The following ERBB4 variants were observed in gnomAD, a reference collection of about 807,000 sequenced individuals.
ERBB4 encodes the protein erb-b2 receptor tyrosine kinase 4, also known as receptor tyrosine-protein kinase erbB-4.
In ERBB4, 42 loss-of-function variants were observed where a neutral mutation model predicts 158.0. That is an observed-to-expected ratio of 0.27 (90% CI 0.21 to 0.34). ERBB4 has a LOEUF of 0.34. Among genes scored for constraint, ERBB4 ranks in the 10% least tolerant of loss-of-function variants. ERBB4 has a pLI of 1.00. For missense variants in ERBB4, 1,333 were observed against 1,624.1 expected (o/e 0.82, Z 3.08); for synonymous variants, 583 against 558.7 (o/e 1.04, Z -0.61).
chr2:211,491,966 G>C (rs1223061947), intron 20 of ERBB4, among the ~76,000 whole-genome samples: 1 of 151,812 alleles, frequency 6.6e-6, no homozygotes, highest in African/African-American at 2.4e-5. Flanking sequence ...TTGGTACATA[G>C]GATCCTCCAT....
intron 2 of ERBB4, among the ~76,000 whole-genome samples, chr2:212,079,859 A>G (rs961793133): frequency 5.3e-5 from 8 of 152,132 alleles, no homozygotes; most frequent in African/African-American, 1.9e-4. Flanking sequence ...ATTCAGATAG[A>G]TAGATAGATA....
chr2:211,921,479 C>T (rs1277364019), intron 3 of ERBB4, among the ~76,000 whole-genome samples: 2 of 152,006 alleles, frequency 1.3e-5, no homozygotes, highest in Non-Finnish European at 2.9e-5. Flanking sequence ...GTCTAAAACT[C>T]GAGTTAGAAA....
At chr2:211,728,400 T>C (rs2074334685) in intron 5 of ERBB4, among the ~76,000 whole-genome samples, 1 of 151,684 alleles carries the variant, frequency 6.6e-6, no homozygotes, top group Non-Finnish European at 1.5e-5. Flanking sequence ...ACTCTTCATG[T>C]CATACATTAT....
In ERBB4 at chr2:212,441,412, C is replaced by T. The variant is rs1343434906; in HGVS notation, c.82+97037G>A. On this transcript the variant is annotated intron_variant, in intron 1 of 27. Coordinates refer to ENST00000342788, the MANE Select transcript of ERBB4 (RefSeq NM_005235.3). ...TAATGTTGATTCTCCTCAGGAGCCA[C>T]CCCCATCACCTCTGTTTGCTTCTAG... Among the ~76,000 whole-genome samples the T allele has an allele frequency of 2.0e-5, 3 of 152,152 alleles. No individual in the cohort carries two copies. In the East Asian group the frequency reaches 5.8e-4, roughly 29 times the overall value.
chr2:212,379,839 G>A (rs1560164568), intron 1 of ERBB4, among the ~76,000 whole-genome samples: 3 of 150,996 alleles, frequency 2.0e-5, no homozygotes, highest in African/African-American at 7.3e-5. Context: ...GTGTCTGTGT[G>A]TGTGTGCATT....
chr2:211,739,732 G>T (rs2074726875), intron 5 of ERBB4, among the ~76,000 whole-genome samples: 1 of 152,226 alleles, frequency 6.6e-6, no homozygotes, highest in South Asian at 2.1e-4. Context: ...GCCTCCCAAA[G>T]TGTTGGGATT....
chr2:212,331,869 C>T (rs1476289993), intron 1 of ERBB4, among the ~76,000 whole-genome samples: 1 of 151,862 alleles, frequency 6.6e-6, no homozygotes, highest in Non-Finnish European at 1.5e-5. Flanking sequence ...AATCTTAAAC[C>T]AAAGTACAGG....
intron 16 of ERBB4, among the ~76,000 whole-genome samples, chr2:211,652,086 A>C (rs1292669177): frequency 6.6e-6 from 1 of 152,184 alleles, no homozygotes; most frequent in Non-Finnish European, 1.5e-5. Flanking sequence ...TCAAGGTAAA[A>C]GCCACTTTTG....
chr2:212,517,974 T>C (rs889913516), intron 1 of ERBB4, among the ~76,000 whole-genome samples: 3 of 152,106 alleles, frequency 2.0e-5, no homozygotes, highest in Admixed American at 1.3e-4. Context: ...AGAGCTGTGC[T>C]GATTTTCAAC....
chr2:211,981,332 A>C (rs2081790716), intron 2 of ERBB4, among the ~76,000 whole-genome samples: 1 of 152,190 alleles, frequency 6.6e-6, no homozygotes, highest in African/African-American at 2.4e-5. Context: ...AAAGGTATAT[A>C]CAGAGCAAAA....
intron 1 of ERBB4, among the ~76,000 whole-genome samples, chr2:212,343,240 G>A (rs1001127049): frequency 2.6e-5 from 4 of 152,066 alleles, no homozygotes; most frequent in Non-Finnish European, 5.9e-5. Context: ...TATTCTATGT[G>A]GATCTAAGTC....
intron 20 of ERBB4, among the ~76,000 whole-genome samples, chr2:211,491,615 A>G (rs1485772442): frequency 6.6e-6 from 1 of 152,068 alleles, no homozygotes; most frequent in Non-Finnish European, 1.5e-5. Flanking sequence ...TTGGTTTGGT[A>G]ATTATGTTAT....
intron 19 of ERBB4, among the ~76,000 whole-genome samples, chr2:211,611,415 T>TTTTGCTTTCGCTTTAC (rs2069192708): frequency 1.3e-5 from 2 of 152,244 alleles, no homozygotes; most frequent in Admixed American, 6.5e-5. Context: ...GAAGCTTTAC[T>TTTTGCTTTCGCTTTAC]TTTGCTTTCG....
intron 1 of ERBB4, among the ~76,000 whole-genome samples, chr2:212,346,649 T>G (rs1006693478): frequency 2.0e-5 from 3 of 151,986 alleles, no homozygotes; most frequent in African/African-American, 7.3e-5. Flanking sequence ...CAAGTTATAT[T>G]TGATGGAGGT....
intron 1 of ERBB4, among the ~76,000 whole-genome samples, chr2:212,342,532 G>C (rs1219164818): frequency 6.6e-6 from 1 of 152,052 alleles, no homozygotes; most frequent in East Asian, 1.9e-4. Flanking sequence ...TCCCAGTCTT[G>C]GGTATTCCTT....
At chr2:212,140,689 AAC>A (rs1294361890) in intron 1 of ERBB4, among the ~76,000 whole-genome samples, 1 of 151,170 alleles carries the variant, frequency 6.6e-6, no homozygotes, top group Non-Finnish European at 1.5e-5. Context: ...TTTTGATGTA[AAC>A]AGTTAAGAAA....
chr2:211,739,704 C>A, intron 5 of ERBB4, among the ~76,000 whole-genome samples: 1 of 152,212 alleles, frequency 6.6e-6, no homozygotes, highest in Admixed American at 6.5e-5. Flanking sequence ...CTCTTGACCA[C>A]GTGATCTGCC....
intron 21 of ERBB4, among the ~76,000 whole-genome samples, chr2:211,430,037 T>C (rs2063716238): frequency 6.6e-6 from 1 of 152,134 alleles, no homozygotes; most frequent in Non-Finnish European, 1.5e-5. Flanking sequence ...AATAGGGTAG[T>C]TTTAAAATTT....
chr2:211,397,497 CAT>C (rs2062945291), intron 25 of ERBB4, among the ~76,000 whole-genome samples: 1 of 152,108 alleles, frequency 6.6e-6, no homozygotes, highest in Non-Finnish European at 1.5e-5. Context: ...ACAGATGACC[CAT>C]AGAGACGGTA....
Sources: gnomAD v4.1 joint callset for allele counts (sites outside exome capture counted in the v4.1 genomes callset) on GRCh38, gnomAD v4.1.1 for gene constraint, MANE v1.5 for transcripts, NCBI Gene and HGNC (gene_info 2026-07-23, HGNC 2026-07-21) for gene names.